Variants in ZNF385D observed in about 807,000 individuals in gnomAD.
ZNF385D encodes the protein zinc finger protein 659.
Under a neutral mutation model 35.8 loss-of-function variants are expected in ZNF385D, and 15 were observed. The ratio of observed to expected loss-of-function variants is 0.42; its 90% CI spans 0.28 to 0.64. The LOEUF is 0.64. ZNF385D is among the 30% of genes least tolerant of loss of function. ZNF385D has a pLI of 0.23. For synonymous variants in ZNF385D, 212 were observed against 186.8 expected, an observed-to-expected ratio of 1.13 and a Z score of -1.10; for missense variants, 474 against 494.6, an observed-to-expected ratio of 0.96 and a Z score of 0.39.
At chr3:22,061,187 C>T (rs1482311890) in intron 3 of ZNF385D, among the ~76,000 whole-genome samples, 1 of 152,090 alleles carries the variant, frequency 6.6e-6, no homozygotes, top group East Asian at 1.9e-4. Flanking sequence ...TCTGAAATTC[C>T]TTCTGTGGCA....
chr3:21,460,433 T>C (rs1703092318), intron 4 of ZNF385D, among the ~76,000 whole-genome samples: 3 of 152,232 alleles, frequency 2.0e-5, no homozygotes, highest in Admixed American at 2.0e-4. Context: ...ACTTTGATTA[T>C]GCTAAACTAT....
intron 2 of ZNF385D, among the ~76,000 whole-genome samples, chr3:22,191,253 G>T (rs146327661): frequency 1.3e-5 from 2 of 152,076 alleles, no homozygotes; most frequent in Non-Finnish European, 2.9e-5. Context: ...CACTTTGGGA[G>T]GCCGAGGCAG....
At chr3:22,321,159 A>T (rs80105603) in intron 2 of ZNF385D, among the ~76,000 whole-genome samples, 1,935 of 108,922 alleles carry the variant, frequency 0.018, 49 homozygotes, top group East Asian at 0.1. Context: ...AACACTTATG[A>T]CCTTGTTTTT....
chr3:21,570,811 A>T (rs2063313156), intron 2 of ZNF385D, among the ~76,000 whole-genome samples: 1 of 152,162 alleles, frequency 6.6e-6, no homozygotes, highest in Non-Finnish European at 1.5e-5. Context: ...TATTCATCAT[A>T]TTCAACTATG....
Position 21,751,080 on chromosome 3 carries a change from C to CA in ZNF385D, c.-165dup. On this transcript the variant is annotated 5_prime_UTR_variant, in exon 1 of 8. It introduces an in-frame stop codon into an upstream open reading frame of the 5' UTR. Transcript: ENST00000281523. ...CCTCCTCCGCGGGATGAGCGCCTTG[C>CA]AGGCTGCCTTTCCAGGGCTAAGATC... 6.7e-7 allele frequency: 1 copy of CA among 1,503,398 alleles called. No individual in the cohort carries two copies. The highest frequency in any genetic ancestry group is 1.3e-5 in the South Asian group (1 of 74,428). The allele number at this position is 1,503,398 out of a possible 1,614,324, so 93.1% of individuals were successfully genotyped here.
At chr3:21,815,904 C>T (rs1453523223) in intron 3 of ZNF385D, among the ~76,000 whole-genome samples, 5 of 152,132 alleles carry the variant, frequency 3.3e-5, no homozygotes, top group African/African-American at 7.2e-5. Flanking sequence ...ACCAATATCC[C>T]TGATGAACAT....
chr3:22,143,017 T>TA (rs112706471), intron 3 of ZNF385D, among the ~76,000 whole-genome samples: 1,654 of 132,676 alleles, frequency 0.012, 15 homozygotes, highest in African/African-American at 0.039. Flanking sequence ...ACAATAATAA[T>TA]AAAAAAAAAA....
intron 3 of ZNF385D, among the ~76,000 whole-genome samples, chr3:21,963,822 G>C (rs1047011767): frequency 7.2e-5 from 11 of 152,004 alleles, no homozygotes; most frequent in African/African-American, 2.7e-4. Context: ...GCAACAACTT[G>C]TAAATTAAAA....
chr3:21,713,785 C>T lies in ZNF385D; in HGVS notation c.22+37110G>A, dbSNP rs374336194. The stretch of plus-strand genomic sequence containing the variant: ...CACCCAGTCCCACAGTCAGAGACTG[C>T]ATTTTGTCATTACCAATAACTGCAA... On this transcript the variant is annotated intron_variant, in intron 1 of 7. Coordinates refer to ENST00000281523, the MANE Select transcript of ZNF385D (RefSeq NM_024697.3). Among the ~76,000 whole-genome samples the T allele has an allele frequency of 7.2e-4, 110 of 152,296 alleles. 1 individual carries two copies. Among genetic ancestry groups the T allele is most frequent in the African/African-American group, 2.4e-3 (99 of 41,556 alleles).
At chr3:21,806,378 G>C (rs144912872) in intron 3 of ZNF385D, among the ~76,000 whole-genome samples, 1 of 151,696 alleles carries the variant, frequency 6.6e-6, no homozygotes, top group Admixed American at 6.6e-5. Context: ...CTAATTTGTT[G>C]TTATTTTTAG....
At chr3:21,686,347 C>T (rs2067103917) in intron 1 of ZNF385D, among the ~76,000 whole-genome samples, 3 of 152,002 alleles carry the variant, frequency 2.0e-5, no homozygotes, top group Admixed American at 1.3e-4. Flanking sequence ...AAATATTGTA[C>T]TTTGTTCCCT....
chr3:22,069,661 A>G (rs11917648), intron 3 of ZNF385D, among the ~76,000 whole-genome samples: 20,039 of 152,092 alleles, frequency 0.13, 1,697 homozygotes, highest in African/African-American at 0.24. Flanking sequence ...TCTTCATTCT[A>G]TCATTTTCCC....
chr3:21,984,093 A>C (rs1371706964), intron 3 of ZNF385D, among the ~76,000 whole-genome samples: 1 of 132,652 alleles, frequency 7.5e-6, no homozygotes, highest in Non-Finnish European at 1.5e-5. Flanking sequence ...AGGTTGCGAA[A>C]ATTTTCTCCC....
intron 2 of ZNF385D, among the ~76,000 whole-genome samples, chr3:22,264,869 A>G (rs146135174): frequency 1.5e-5 from 1 of 68,030 alleles, no homozygotes; most frequent in East Asian, 3.1e-4. Flanking sequence ...CCCTCTTAGT[A>G]TAAGACAAAG....
intron 3 of ZNF385D, among the ~76,000 whole-genome samples, chr3:22,004,374 A>G (rs1023956913): frequency 2.9e-5 from 4 of 138,810 alleles, no homozygotes; most frequent in East Asian, 2.2e-4. Context: ...GGTCTAAACA[A>G]AAGTATTATG....
chr3:22,074,784 C>T (rs1700386867), intron 3 of ZNF385D, among the ~76,000 whole-genome samples: 1 of 151,882 alleles, frequency 6.6e-6, no homozygotes, highest in African/African-American at 2.4e-5. Context: ...TTTCCCTTCT[C>T]ATGATAATAG....
chr3:21,770,820 C>T (rs1019768239), intron 3 of ZNF385D, among the ~76,000 whole-genome samples: 1 of 152,018 alleles, frequency 6.6e-6, no homozygotes, highest in Admixed American at 6.6e-5. Flanking sequence ...CTCACAATAG[C>T]AAAGACTTGG....
At chr3:21,708,339 T>G (rs950479728) in intron 1 of ZNF385D, among the ~76,000 whole-genome samples, 1 of 152,208 alleles carries the variant, frequency 6.6e-6, no homozygotes, top group Admixed American at 6.5e-5. Flanking sequence ...GAGGGTGGTG[T>G]TATTTGCTCT....
intron 2 of ZNF385D, among the ~76,000 whole-genome samples, chr3:22,338,577 T>C (rs117460031): frequency 0.015 from 2,247 of 152,168 alleles, 44 homozygotes; most frequent in East Asian, 0.053. Context: ...TCTAGATATG[T>C]CTTATCTTTT....
Sources: gnomAD v4.1 joint callset for allele counts (sites outside exome capture counted in the v4.1 genomes callset) on GRCh38, gnomAD v4.1.1 for gene constraint, MANE v1.5 for transcripts, NCBI Gene and HGNC (gene_info 2026-07-23, HGNC 2026-07-21) for gene names.